Variants in RASA3 observed in about 807,000 individuals in gnomAD.
RASA3 encodes RAS p21 protein activator 3, also known as ras GTPase-activating protein 3.
A neutral mutation model predicts 110.0 loss-of-function variants in RASA3; 73 were observed. The ratio of observed to expected loss-of-function variants is 0.66; its 90% confidence interval spans 0.55 to 0.81. The LOEUF is 0.81. RASA3 is among the 30% of genes least tolerant of loss of function. The probability of loss-of-function intolerance (pLI) is 0.00; values close to 1 mark genes in which losing one functional copy is unlikely to be tolerated. For synonymous variants in RASA3, 500 were observed against 451.4 expected (o/e 1.11, Z -1.37); for missense variants, 976 against 1,113.2 (o/e 0.88, Z 1.75).
chr13:114,001,646 C>A (rs1273301770), intron 18 of RASA3, among the ~76,000 whole-genome samples: 1 of 141,208 alleles, frequency 7.1e-6, no homozygotes, highest in Non-Finnish European at 1.5e-5. Flanking sequence ...CCACACAACA[C>A]GGAGGACCTG....
intron 21 of RASA3, among the ~76,000 whole-genome samples, 175 bp from the exon 22 acceptor site, chr13:113,992,763 G>A (rs2053149255): frequency 6.6e-6 from 1 of 152,246 alleles, no homozygotes; most frequent in African/African-American, 2.4e-5. Flanking sequence ...GGCTTGCTGA[G>A]CAAGGCTGAC....
At chr13:114,050,531 C>A (rs181740336) in intron 3 of RASA3, among the ~76,000 whole-genome samples, 194 of 152,346 alleles carry the variant, frequency 1.3e-3, no homozygotes, top group Non-Finnish European at 2.1e-3. Flanking sequence ...GGTCCCGACC[C>A]CTGCAATGGT....
At chr13:114,073,641 A>G (rs2079617233) in intron 2 of RASA3, 79 bp downstream of exon 2, 1 of 1,143,982 alleles carries the variant, frequency 8.7e-7, no homozygotes, top group Non-Finnish European at 1.3e-6. Context: ...GGAAAATGGG[A>G]AGGTGACGTA....
At chr13:114,092,520 A>G (rs1273355861) in intron 1 of RASA3, among the ~76,000 whole-genome samples, 2 of 152,132 alleles carry the variant, frequency 1.3e-5, no homozygotes, top group Admixed American at 6.6e-5. Context: ...TTGTGTTGAG[A>G]AAAGAGACTT....
chr13:114,018,900 C>A lies in RASA3; in HGVS notation c.805G>T (p.Asp269Tyr). 6.2e-7 allele frequency: 1 copy of A among 1,613,858 alleles called. No individual in the cohort carries two copies. Among genetic ancestry groups the A allele is most frequent in the Non-Finnish European group, 8.5e-7 (1 of 1,179,982 alleles). The change falls in exon 10 of 24, where the codon GAC becomes TAC. Residue 269 changes from aspartate to tyrosine, a missense_variant. This residue lies in a region of RASA3 where 732 missense variants were observed against 779.7 expected (regional missense o/e 0.94). Coordinates refer to ENST00000334062, the MANE Select transcript of RASA3 (RefSeq NM_007368.4). ...YEAWYFLQPRDNGSKSLKPDD... is the reference protein window; with the variant it reads ...YEAWYFLQPRYNGSKSLKPDD... ...GGCTTTAGGCTCTTGCTACCATTGT[C>A]CCGGGGCTGGAGGAAGTACCTGGGT...
At chr13:114,067,275 C>G (rs1294377361) in intron 2 of RASA3, among the ~76,000 whole-genome samples, 1 of 152,078 alleles carries the variant, frequency 6.6e-6, no homozygotes, top group African/African-American at 2.4e-5. Context: ...AGGATGGGCC[C>G]CCACCTGGGG....
Position 114,008,795 on chromosome 13 carries a change from G to A in RASA3, c.1668+592C>T, listed in dbSNP as rs113882138. Among the ~76,000 whole-genome samples, 23 of 10,670 alleles carry A rather than the reference G, an allele frequency of 2.2e-3. 1 individual carries two copies. Among genetic ancestry groups the A allele is most frequent in the African/African-American group, 0.013 (17 of 1,270 alleles). The allele number at this position is 10,670 out of a possible 152,430, so 7.0% of individuals were successfully genotyped here. A position where few individuals can be genotyped will look rare whatever the true frequency, so the allele number is the denominator to read the frequency against. Reference sequence around the variant, plus strand: ...GGTCTGGACGTTCCCCACGCACCGCGTTCCTGACTGTGGGGAGGAGCAGAG... The same window carrying A: ...GGTCTGGACGTTCCCCACGCACCGCATTCCTGACTGTGGGGAGGAGCAGAG... On this transcript the variant is annotated intron_variant, in intron 17 of 23. Coordinates refer to ENST00000334062, the MANE Select transcript of RASA3 (RefSeq NM_007368.4).
intron 1 of RASA3, among the ~76,000 whole-genome samples, chr13:114,126,529 C>T (rs140285568): frequency 6.6e-6 from 1 of 151,480 alleles, no homozygotes; most frequent in Admixed American, 6.6e-5. Context: ...AGTTGAAAGC[C>T]ATCCCTCCCA....
At chr13:114,070,224 G>C (rs1477891414) in intron 2 of RASA3, among the ~76,000 whole-genome samples, 1 of 130,428 alleles carries the variant, frequency 7.7e-6, no homozygotes, top group African/African-American at 2.8e-5. Flanking sequence ...AGACTCGGGG[G>C]ATGGGAGACT....
chr13:114,003,679 A>G (rs983817698), intron 18 of RASA3, among the ~76,000 whole-genome samples: 4 of 152,152 alleles, frequency 2.6e-5, no homozygotes, highest in African/African-American at 9.7e-5. Context: ...ACCTTAACCA[A>G]GGCAATTGTG....
intron 5 of RASA3, among the ~76,000 whole-genome samples, chr13:114,028,599 A>G (rs9742199): frequency 0.015 from 2,266 of 147,866 alleles, 62 homozygotes; most frequent in African/African-American, 0.054. Context: ...TCCTGGGGCA[A>G]CCTCTAAAAC....
Position 114,073,819 on chromosome 13 carries a change from G to A in RASA3, c.74C>T (p.Pro25Leu), listed in dbSNP as rs1050498315. ...KIKIGEAKNL[P>L]SYPGPSKMRD... ...CATCTTGCTCGGCCCCGGGTAAGAG[G>A]GAAGGTTTTTGGCTTCACCTAAAAA... Residue 25 changes from proline (P) to leucine (L), a missense_variant, in exon 2 of 24, where the codon CCC (proline) becomes CTC (leucine). Physicochemically the swap from Pro to Leu is moderately conservative, Grantham distance 98. Transcript: ENST00000334062. 1.9e-6 allele frequency: 3 copies of A among 1,614,050 alleles called. No homozygotes were observed. Among genetic ancestry groups the A allele is most frequent in the African/African-American group, 2.7e-5 (2 of 74,932 alleles).
At chr13:114,076,493 A>AGCACACGCACACACGCAGCGC (rs2079684073) in intron 1 of RASA3, among the ~76,000 whole-genome samples, 1 of 152,054 alleles carries the variant, frequency 6.6e-6, no homozygotes, top group African/African-American at 2.4e-5. Flanking sequence ...TCCCACACGC[A>AGCACACGCACACACGCAGCGC]GCACACGCAC....
At chr13:113,984,822 C>G (rs1308451239) in intron 22 of RASA3, among the ~76,000 whole-genome samples, 1 of 9,286 alleles carries the variant, frequency 1.1e-4, no homozygotes, top group Non-Finnish European at 2.0e-4. Flanking sequence ...ATCACTCACC[C>G]TTTGGTCCAT....
In RASA3 at chr13:113,999,570, G is replaced by A; in HGVS notation, c.1932+15C>T. ...GCCTCAACCCGAAAGAGAGGCTTGG[G>A]GGCCCCACACTCACGTTTTTCATTT... On this transcript the variant is annotated intron_variant, in intron 20 of 23. Transcript: ENST00000334062. The A allele has an allele frequency of 6.2e-7, 1 of 1,612,610 alleles. No homozygotes were observed. The highest frequency in any genetic ancestry group is 8.5e-7 in the Non-Finnish European group (1 of 1,179,176).
chr13:114,017,968 A>G (rs7986543), intron 11 of RASA3, 136 bp downstream of exon 11: 658,985 of 1,020,146 alleles, frequency 0.65, 217,175 homozygotes, highest in African/African-American at 0.88. Flanking sequence ...GTGAAAGAAA[A>G]CCTGAATCAA....
chr13:114,054,614 CAGAAAACCATTTTTTGTCATA>C (rs1306330418), intron 2 of RASA3, among the ~76,000 whole-genome samples: 10 of 152,210 alleles, frequency 6.6e-5, no homozygotes, highest in African/African-American at 2.2e-4. Context: ...AACATTTACT[CAGAAAACCATTTTTTGTCATA>C]AAACAATCTT....
chr13:114,078,775 CAGGGTGAGCACAGGCCCAGCCCTG>C (rs2079733427), intron 1 of RASA3, among the ~76,000 whole-genome samples: 1 of 152,260 alleles, frequency 6.6e-6, no homozygotes, highest in Non-Finnish European at 1.5e-5. Flanking sequence ...GCTGCACCCT[CAGGGTGAGCACAGGCCCAGCCCTG>C]ACCGAGGGTT....
intron 15 of RASA3, among the ~76,000 whole-genome samples, chr13:114,012,012 G>A (rs967737077): frequency 6.2e-4 from 94 of 152,040 alleles, no homozygotes; most frequent in Non-Finnish European, 2.4e-4. Context: ...CGTGCAACAC[G>A]GTCACCCCAG....
Sources: allele counts gnomAD v4.1 joint callset (sites outside exome capture counted in the v4.1 genomes callset), GRCh38; gene constraint gnomAD v4.1.1; regional missense constraint gnomAD v4.1.1; transcripts MANE v1.5; gene names NCBI Gene and HGNC (gene_info 2026-07-23, HGNC 2026-07-21).